Variants in TVP23A observed in about 807,000 individuals in gnomAD.
TVP23A encodes the protein trans-golgi network vesicle protein 23 homolog A, also known as Golgi apparatus membrane protein TVP23 homolog A.
In TVP23A, 21 loss-of-function variants were observed where a neutral mutation model predicts 31.7. The observed-to-expected ratio is 0.66, with a 90% CI of 0.47 to 0.95. The LOEUF is 0.95. Among genes scored for constraint, TVP23A ranks in the 40% least tolerant of loss-of-function variants. The pLI is 0.00. For missense variants in TVP23A, 279 were observed against 255.6 expected (o/e 1.09, Z -0.62); for synonymous variants, 104 against 96.0 (o/e 1.08, Z -0.49).
chr16:10,771,972 C>A (rs2031660906), intron 5 of TVP23A, among the ~76,000 whole-genome samples, 174 bp from the exon 6 acceptor site: 2 of 152,132 alleles, frequency 1.3e-5, no homozygotes, highest in African/African-American at 4.8e-5. Flanking sequence ...GCGTCCGCCA[C>A]CAGGCCTGGC....
Position 10,816,322 on chromosome 16 carries a change from T to C in TVP23A, c.89+1781A>G, listed in dbSNP as rs867749699. ...TGAAAGGGACTTTGCAGATGTAATT[T>C]AATTATTTAATTAAGAATTTTTTTT... On this transcript the variant is annotated intron_variant, in intron 2 of 7. Coordinates refer to ENST00000299866, the MANE Select transcript of TVP23A (RefSeq NM_001079512.4). Among the ~76,000 whole-genome samples the C allele has an allele frequency of 5.0e-5, 7 of 140,618 alleles. No individual in the cohort carries two copies. The South Asian group carries it at 8.3e-4, about 17-fold the overall frequency. 92.3% of individuals were successfully genotyped at this position (140,618 alleles called of 152,430 possible). A position where few individuals can be genotyped will look rare whatever the true frequency, so the allele number is the denominator to read the frequency against.
chr16:10,798,161 A>T (rs112996779), intron 2 of TVP23A, among the ~76,000 whole-genome samples: 2 of 151,434 alleles, frequency 1.3e-5, no homozygotes, highest in African/African-American at 2.4e-5. Context: ...GGGTTTCACC[A>T]TGTTAGCCAG....
chr16:10,761,395 T>G (rs1555474213), exon 9 of TVP23A: 3 of 1,614,098 alleles, frequency 1.9e-6, no homozygotes, highest in South Asian at 2.2e-5. Context: ...CGGAAAGAAA[T>G]CAACTTCTGC....
chr16:10,808,643 A>G (rs1275372393), intron 2 of TVP23A: 2 of 415,900 alleles, frequency 4.8e-6, no homozygotes, highest in African/African-American at 4.1e-5. Context: ...AGGGTGTAGT[A>G]GTGCATGCTT....
At position 10,777,869 on chromosome 16, in the gene TVP23A, A is replaced by G. The variant is rs548388210; in HGVS notation, c.90-2773T>C. 8.3e-3 allele frequency among the ~76,000 whole-genome samples: 1,252 copies of G among 151,672 alleles called. 23 individuals carry two copies. Among genetic ancestry groups the G allele is most frequent in the African/African-American group, 0.028 (1,164 of 41,328 alleles). ...CTACTAAAAATACAAAAATTAGCTG[A>G]GCGTGGTGGTGGGCGCCTGTAGTCC... On this transcript the variant is annotated intron_variant, in intron 2 of 7. Transcript: ENST00000299866. This position sits in a 1 kb window ranked among gnomAD's most constrained non-coding sequence, Gnocchi z 4.5.
Position 10,818,596 on chromosome 16 carries a change from G to A in TVP23A, c.-103C>T. ...GGGCGGGCGGATGTAGGCAGCAGAC[G>A]GTGGACGCTGAGGGTCGGGGCCTGC... is the stretch of plus-strand genomic sequence containing the variant. On this transcript the variant is annotated 5_prime_UTR_variant, in exon 1 of 8. Transcript: ENST00000299866. The surrounding 1 kb of genome is among the most constrained non-coding windows in gnomAD (Gnocchi z 4.7). 1.4e-6 allele frequency: 2 copies of A among 1,426,244 alleles called. No homozygotes were observed. The highest frequency in any genetic ancestry group is 2.3e-5 in the Admixed American group (1 of 43,430). The allele number at this position is 1,426,244 out of a possible 1,614,324, so 88.3% of individuals were successfully genotyped here. A position where few individuals can be genotyped will look rare whatever the true frequency, so the allele number is the denominator to read the frequency against.
At chr16:10,784,844 T>C (rs2032649734) in intron 2 of TVP23A, among the ~76,000 whole-genome samples, 1 of 152,176 alleles carries the variant, frequency 6.6e-6, no homozygotes, top group African/African-American at 2.4e-5. Flanking sequence ...CTCACACCTA[T>C]AATCCCAGCA....
intron 2 of TVP23A, among the ~76,000 whole-genome samples, chr16:10,805,295 G>C (rs2033892114): frequency 6.6e-6 from 1 of 151,978 alleles, no homozygotes; most frequent in African/African-American, 2.4e-5. Flanking sequence ...GCCTCCCAAA[G>C]TGCTGGGATT....
chr16:10,809,340 C>T (rs754184205), intron 2 of TVP23A, among the ~76,000 whole-genome samples: 1 of 152,224 alleles, frequency 6.6e-6, no homozygotes, highest in Non-Finnish European at 1.5e-5. Context: ...TGACCCTGGC[C>T]TCCCGTAGCA....
At chr16:10,765,712 T>A (rs894674929), downstream of TVP23A, among the ~76,000 whole-genome samples, 4 of 152,194 alleles carry the variant, frequency 2.6e-5, no homozygotes, top group Non-Finnish European at 5.9e-5. The surrounding 1 kb of genome is among the most constrained non-coding windows in gnomAD (Gnocchi z 4.0). Context: ...CCCTGGTCTT[T>A]CCTTTCAGGG....
In TVP23A at chr16:10,777,423, G is replaced by T. The variant is rs2032107785; in HGVS notation, c.90-2327C>A. ...ATGTTGTGGGCTTTGGAAAATGCGG[G>T]GCCGAATGGGGTGGTCACAGAGATC... On this transcript the variant is annotated intron_variant, in intron 2 of 7. Transcript: ENST00000299866. The surrounding 1 kb of genome is among the most constrained non-coding windows in gnomAD (Gnocchi z 4.5). Among the ~76,000 whole-genome samples, 1 of 144,212 alleles carries T rather than the reference G, an allele frequency of 6.9e-6. No individual in the cohort carries two copies. Among genetic ancestry groups the T allele is most frequent in the Non-Finnish European group, 1.5e-5 (1 of 64,594 alleles). The allele number at this position is 144,212 out of a possible 152,430, so 94.6% of individuals were successfully genotyped here. A position where few individuals can be genotyped will look rare whatever the true frequency, so the allele number is the denominator to read the frequency against.
intron 2 of TVP23A, among the ~76,000 whole-genome samples, chr16:10,796,552 C>T (rs903971809): frequency 6.6e-6 from 1 of 152,128 alleles, no homozygotes; most frequent in Non-Finnish European, 1.5e-5. Flanking sequence ...CCTGCCTCAG[C>T]CTCCCAAGTA....
intron 5 of TVP23A, among the ~76,000 whole-genome samples, chr16:10,772,581 GC>G (rs2031707831): frequency 6.6e-6 from 1 of 152,180 alleles, no homozygotes; most frequent in East Asian, 1.9e-4. Context: ...TGTTGGCCAG[GC>G]TGGTCTCAAA....
At chr16:10,808,975 C>T (rs1471973658) in intron 2 of TVP23A, among the ~76,000 whole-genome samples, 5 of 152,142 alleles carry the variant, frequency 3.3e-5, no homozygotes, top group African/African-American at 7.2e-5. Context: ...GAAAGCATAA[C>T]ATAACTTTCC....
At chr16:10,761,757 A>G, downstream of TVP23A, 1 of 1,611,932 alleles carries the variant, frequency 6.2e-7, no homozygotes. Flanking sequence ...TGCCTTGCAG[A>G]AAGAATCTCA....
intron 2 of TVP23A, among the ~76,000 whole-genome samples, chr16:10,813,076 CT>C (rs2034275688): frequency 6.6e-6 from 1 of 152,160 alleles, no homozygotes; most frequent in Non-Finnish European, 1.5e-5. Context: ...CCTCACTGAC[CT>C]GGAACCAGGG....
chr16:10,773,472 A>T, intron 4 of TVP23A, 31 bp from the exon 5 acceptor site: 1 of 1,556,024 alleles, frequency 6.4e-7, no homozygotes, highest in Non-Finnish European at 8.7e-7. Flanking sequence ...AAATGTCAAA[A>T]CAAGTGGAAA....
At chr16:10,782,656 C>A (rs1439750600) in intron 2 of TVP23A, among the ~76,000 whole-genome samples, 3 of 152,126 alleles carry the variant, frequency 2.0e-5, no homozygotes, top group Non-Finnish European at 2.9e-5. Flanking sequence ...GCAGACACCA[C>A]CACACCTGGC....
At chr16:10,774,333 A>G (rs2031845149) in intron 3 of TVP23A, among the ~76,000 whole-genome samples, 2 of 152,178 alleles carry the variant, frequency 1.3e-5, no homozygotes, top group African/African-American at 4.8e-5. Context: ...CTCCCCCCAC[A>G]AAACATATAT....
Sources: allele counts gnomAD v4.1 joint callset (sites outside exome capture counted in the v4.1 genomes callset), GRCh38; gene constraint gnomAD v4.1.1; non-coding constraint Gnocchi (gnomAD v3.1); transcripts MANE v1.5; gene names NCBI Gene and HGNC (gene_info 2026-07-23, HGNC 2026-07-21).